The following ABTB3 variants were observed in gnomAD, a reference collection of about 807,000 sequenced individuals.
ABTB3 encodes ankyrin repeat- and BTB/POZ domain-containing protein 3.
At chr12:107,388,902 G>T in the ABTB3 span, among the ~76,000 whole-genome samples, 11,515 of 152,246 alleles carry the variant, frequency 0.076, 529 homozygotes, top group Admixed American at 0.13. Flanking sequence ...CTCTTCCATG[G>T]ATACATTAAT....
the ABTB3 span, among the ~76,000 whole-genome samples, chr12:107,370,223 G>A: frequency 0.28 from 43,268 of 152,116 alleles, 6,675 homozygotes; most frequent in South Asian, 0.42. Flanking sequence ...TCTTGTTCTC[G>A]CCTGCTAATG....
the ABTB3 span, among the ~76,000 whole-genome samples, chr12:107,591,087 C>T: frequency 6.6e-6 from 1 of 152,218 alleles, no homozygotes; most frequent in Non-Finnish European, 1.5e-5. Context: ...CAGTCCCATA[C>T]TTTAAAAAGC....
the ABTB3 span, among the ~76,000 whole-genome samples, chr12:107,366,024 G>T: frequency 1.3e-5 from 2 of 152,190 alleles, no homozygotes; most frequent in Non-Finnish European, 2.9e-5. Flanking sequence ...ACACATCCCT[G>T]ATAGCATCAC....
chr12:107,543,492 G>A, the ABTB3 span, among the ~76,000 whole-genome samples: 5 of 152,222 alleles, frequency 3.3e-5, no homozygotes, highest in South Asian at 1.0e-3. Flanking sequence ...AGAAGAAGAG[G>A]GAGAGAATGT....
the ABTB3 span, among the ~76,000 whole-genome samples, chr12:107,535,173 G>C: frequency 6.6e-6 from 1 of 152,054 alleles, no homozygotes; most frequent in South Asian, 2.1e-4. Context: ...ACATCAGCAG[G>C]GTAAAGAACA....
the ABTB3 span, among the ~76,000 whole-genome samples, chr12:107,622,096 G>A: frequency 1.3e-5 from 2 of 151,832 alleles, no homozygotes; most frequent in African/African-American, 4.8e-5. Context: ...CAAAAAAATA[G>A]CTGGGCGTGG....
chr12:107,413,296 T>C, the ABTB3 span, among the ~76,000 whole-genome samples: 1 of 151,410 alleles, frequency 6.6e-6, no homozygotes, highest in Non-Finnish European at 1.5e-5. Context: ...AAAAAGCGCA[T>C]TGAAATTTGG....
the ABTB3 span, among the ~76,000 whole-genome samples, chr12:107,646,797 A>C: frequency 0.17 from 25,548 of 152,118 alleles, 2,957 homozygotes; most frequent in East Asian, 0.5. Flanking sequence ...GTGAGAAACA[A>C]CACTGCAGTG....
chr12:107,422,011 A>G, the ABTB3 span, among the ~76,000 whole-genome samples: 2 of 152,310 alleles, frequency 1.3e-5, no homozygotes, highest in African/African-American at 4.8e-5. Flanking sequence ...AAGTACAAAG[A>G]AAAAAATATA....
the ABTB3 span, among the ~76,000 whole-genome samples, chr12:107,546,087 C>T: frequency 5.3e-5 from 8 of 152,298 alleles, no homozygotes; most frequent in East Asian, 1.9e-4. Context: ...TCATACTTAA[C>T]GTAATTTGTA....
the ABTB3 span, among the ~76,000 whole-genome samples, chr12:107,475,925 G>A: frequency 6.6e-6 from 1 of 152,140 alleles, no homozygotes; most frequent in Non-Finnish European, 1.5e-5. Context: ...CCTGGCCAGA[G>A]AACATTTTCA....
the ABTB3 span, chr12:107,617,355 G>C: frequency 6.2e-7 from 1 of 1,614,168 alleles, no homozygotes; most frequent in Non-Finnish European, 8.5e-7. Context: ...CCCCTGATAG[G>C]AACCATGTAC....
At chr12:107,360,930 A>ATTTTTTTTTTTTTTTTTTTTTT in the ABTB3 span, among the ~76,000 whole-genome samples, 1 of 84,436 alleles carries the variant, frequency 1.2e-5, no homozygotes, top group Non-Finnish European at 2.1e-5. Context: ...ATTTAATTTA[A>ATTTTTTTTTTTTTTTTTTTTTT]TTTTTTTTTT....
At chr12:107,631,160 A>C in the ABTB3 span, among the ~76,000 whole-genome samples, 1 of 152,090 alleles carries the variant, frequency 6.6e-6, no homozygotes, top group Admixed American at 6.5e-5. Context: ...TTCCATGTGT[A>C]CCCAGTGATC....
chr12:107,399,876 C>G, the ABTB3 span, among the ~76,000 whole-genome samples: 1 of 152,086 alleles, frequency 6.6e-6, no homozygotes, highest in Non-Finnish European at 1.5e-5. Flanking sequence ...TCTGATGTTC[C>G]CCTCCCTGTG....
At chr12:107,629,157 C>A in the ABTB3 span, among the ~76,000 whole-genome samples, 1 of 152,178 alleles carries the variant, frequency 6.6e-6, no homozygotes, top group Non-Finnish European at 1.5e-5. Context: ...TGGCTCATGC[C>A]TGTAATCCCC....
At chr12:107,417,198 C>G in the ABTB3 span, among the ~76,000 whole-genome samples, 1 of 152,204 alleles carries the variant, frequency 6.6e-6, no homozygotes, top group Non-Finnish European at 1.5e-5. Context: ...GTTAAAAGCA[C>G]AACCTTTGGA....
chr12:107,528,043 G>C, the ABTB3 span, among the ~76,000 whole-genome samples: 1 of 152,188 alleles, frequency 6.6e-6, no homozygotes, highest in Non-Finnish European at 1.5e-5. Flanking sequence ...GTGGTAGCTG[G>C]CCATGGATGG....
At chr12:107,338,242 T>C in the ABTB3 span, among the ~76,000 whole-genome samples, 1 of 152,342 alleles carries the variant, frequency 6.6e-6, no homozygotes, top group African/African-American at 2.4e-5. Flanking sequence ...AGGAGATGTT[T>C]AATATTAATC....
Sources: gnomAD v4.1 joint callset for allele counts (sites outside exome capture counted in the v4.1 genomes callset) on GRCh38, gnomAD v4.1.1 for gene constraint, MANE v1.5 for transcripts, NCBI Gene and HGNC (gene_info 2026-07-23, HGNC 2026-07-21) for gene names.